The following B4GALNT2 variants were observed in gnomAD, a reference collection of about 807,000 sequenced individuals.
B4GALNT2 encodes the protein N-acetylneuraminylgalactosylglucosyl-glucoside beta-1,4-N- acetylgalactosaminyltransferase 2.
Under a neutral mutation model 51.1 loss-of-function variants are expected in B4GALNT2, and 42 were observed. That is an observed-to-expected ratio of 0.82 (90% CI 0.64 to 1.06). B4GALNT2 has a LOEUF of 1.06. B4GALNT2 is among the 50% of genes least tolerant of loss of function. B4GALNT2 has a pLI of 0.00. For missense variants in B4GALNT2, 602 were observed against 633.6 expected (o/e 0.95, Z 0.54); for synonymous variants, 253 against 251.7 (o/e 1.01, Z -0.05).
rs2042720234 is a variant in B4GALNT2, at chr17:49,148,621, C to G, written c.354-4179C>G. 15 of 528,310 alleles carry G rather than the reference C, an allele frequency of 2.8e-5. No individual in the cohort carries two copies. In the South Asian group the frequency reaches 2.9e-4, roughly 10 times the overall value. 32.7% of individuals were successfully genotyped at this position (528,310 alleles called of 1,614,324 possible). A position where few individuals can be genotyped will look rare whatever the true frequency, so the allele number is the denominator to read the frequency against. The stretch of plus-strand genomic sequence containing the variant: ...AGGTACGCGTAGAAATGTCTCCAGG[C>G]AAACCGTTCCTGCACAAAGCCTCCG... On this transcript the variant is annotated intron_variant, in intron 3 of 10. Transcript: ENST00000393354.
chr17:49,127,689 A>T (rs1170026999), upstream of B4GALNT2, among the ~76,000 whole-genome samples: 2 of 152,246 alleles, frequency 1.3e-5, no homozygotes, highest in Non-Finnish European at 2.9e-5. Context: ...AGGCCCTTTA[A>T]AAACAGGACT....
intron 7 of B4GALNT2, among the ~76,000 whole-genome samples, chr17:49,161,275 GAA>G (rs5820749): frequency 7.2e-6 from 1 of 139,384 alleles, no homozygotes; most frequent in African/African-American, 2.7e-5. Context: ...ACTCTGTCTT[GAA>G]AAAAAAAAAA....
Position 49,172,155 on chromosome 17 carries a change from C to G in B4GALNT2, c.*2427C>G, listed in dbSNP as rs529604236. On this transcript the variant is annotated 3_prime_UTR_variant, in exon 11 of 11. Coordinates refer to ENST00000393354, the MANE Select transcript of B4GALNT2 (RefSeq NM_001159387.2). ...ATCTGTGACAGCTTCTTGATCTGTCCCCAGGTAGGTGGCTGTGTTCGACAG... is the reference window on the plus strand; with the variant it reads ...ATCTGTGACAGCTTCTTGATCTGTCGCCAGGTAGGTGGCTGTGTTCGACAG... 1 of 287,892 alleles carries G rather than the reference C, an allele frequency of 3.5e-6. No homozygotes were observed. The highest frequency in any genetic ancestry group is 6.4e-6 in the Non-Finnish European group (1 of 156,246). 17.8% of individuals were successfully genotyped at this position (287,892 alleles called of 1,614,324 possible).
intron 1 of B4GALNT2, among the ~76,000 whole-genome samples, chr17:49,138,519 C>G (rs572376218): frequency 6.6e-6 from 1 of 152,140 alleles, no homozygotes; most frequent in Admixed American, 6.5e-5. Context: ...CTGTCATAAC[C>G]GAGAAAGCAG....
intron 3 of B4GALNT2, among the ~76,000 whole-genome samples, chr17:49,151,584 A>G (rs976104983): frequency 6.6e-5 from 10 of 152,050 alleles, no homozygotes; most frequent in Non-Finnish European, 1.2e-4. Flanking sequence ...CGTCTCTACT[A>G]AAAATACAAA....
intron 8 of B4GALNT2, among the ~76,000 whole-genome samples, chr17:49,164,499 C>A (rs929784864): frequency 3.0e-4 from 29 of 98,122 alleles, no homozygotes; most frequent in Admixed American, 1.1e-3. Context: ...CACCTTTCCT[C>A]ATTTTTTTTT....
chr17:49,151,470 G>A (rs567747285), intron 3 of B4GALNT2, among the ~76,000 whole-genome samples: 3 of 151,900 alleles, frequency 2.0e-5, no homozygotes, highest in South Asian at 2.1e-4. Context: ...GTTATTGGCC[G>A]GGTGTGGTGG....
chr17:49,135,425 C>T (rs1447677516), intron 1 of B4GALNT2, among the ~76,000 whole-genome samples: 1 of 151,328 alleles, frequency 6.6e-6, no homozygotes, highest in African/African-American at 2.4e-5. Context: ...TCTACAGGTG[C>T]GTGCCACCAT....
At chr17:49,161,322 A>G (rs1197826834) in intron 7 of B4GALNT2, among the ~76,000 whole-genome samples, 1 of 151,994 alleles carries the variant, frequency 6.6e-6, no homozygotes, top group Non-Finnish European at 1.5e-5. Flanking sequence ...AAGGAGGACA[A>G]ATGAACAAAT....
intron 3 of B4GALNT2, among the ~76,000 whole-genome samples, chr17:49,145,490 G>A (rs764224749): frequency 1.3e-5 from 2 of 152,244 alleles, no homozygotes; most frequent in Non-Finnish European, 1.5e-5. Context: ...GACAATTACA[G>A]TCCTCATTTC....
At chr17:49,165,747 A>G (rs1393992897) in intron 8 of B4GALNT2, among the ~76,000 whole-genome samples, 1 of 151,668 alleles carries the variant, frequency 6.6e-6, no homozygotes, top group East Asian at 1.9e-4. Flanking sequence ...CGAATATTAT[A>G]CATACCAGAT....
At chr17:49,169,270 C>A (rs1297133042) in intron 10 of B4GALNT2, among the ~76,000 whole-genome samples, 3 of 152,152 alleles carry the variant, frequency 2.0e-5, no homozygotes, top group Non-Finnish European at 4.4e-5. Context: ...CAGTTCTGTC[C>A]AGTTTGAAAG....
chr17:49,157,191 C>T (rs757862566), intron 5 of B4GALNT2, among the ~76,000 whole-genome samples: 12 of 152,130 alleles, frequency 7.9e-5, no homozygotes, highest in Non-Finnish European at 1.6e-4. Context: ...GACAGGGTCT[C>T]ACTCTGTCAC....
rs2042976786 is a variant in B4GALNT2 at position 49,174,645 on chromosome 17, C to T, written c.*4917C>T. On this transcript the variant is annotated 3_prime_UTR_variant, in exon 11 of 11. Coordinates refer to ENST00000393354, the MANE Select transcript of B4GALNT2 (RefSeq NM_001159387.2). ...GAGTTCCAAGGGGAAAATGTTGGAG[C>T]TATGTGTCCTTTTTCTAATTGTTCA... 6.6e-6 allele frequency: 1 copy of T among 152,212 alleles called. No homozygotes were observed. Among genetic ancestry groups the T allele is most frequent in the South Asian group, 2.1e-4 (1 of 4,822 alleles). The allele number at this position is 152,212 out of a possible 1,614,324, so 9.4% of individuals were successfully genotyped here.
chr17:49,149,372 G>A (rs56653630), intron 3 of B4GALNT2, among the ~76,000 whole-genome samples: 21,777 of 151,958 alleles, frequency 0.14, 2,021 homozygotes, highest in East Asian at 0.44. Context: ...AGGGCCAGGC[G>A]CGGTGGCTCA....
chr17:49,164,365 A>C, intron 8 of B4GALNT2, 90 bp downstream of exon 8: 1 of 1,221,778 alleles, frequency 8.2e-7, no homozygotes, highest in Non-Finnish European at 1.2e-6. Flanking sequence ...CGCTTCCTCA[A>C]GGGTCTTCCC....
upstream of B4GALNT2, chr17:49,132,613 G>A: frequency 1.7e-6 from 1 of 589,560 alleles, no homozygotes; most frequent in Non-Finnish European, 2.6e-6. Flanking sequence ...AAAAGTCCAG[G>A]GTAGAGATGG....
intron 1 of B4GALNT2, 155 bp downstream of exon 1, chr17:49,132,961 C>T: frequency 1.4e-6 from 2 of 1,407,212 alleles, no homozygotes; most frequent in East Asian, 3.0e-5. Context: ...CCAACCGGTT[C>T]CCCGCATAGG....
chr17:49,151,656 G>T (rs983907421), intron 3 of B4GALNT2, among the ~76,000 whole-genome samples: 6 of 150,870 alleles, frequency 4.0e-5, no homozygotes, highest in African/African-American at 1.5e-4. Context: ...TGAGGCAGGA[G>T]AATCACTTGA....
Sources: gnomAD v4.1 joint callset for allele counts (sites outside exome capture counted in the v4.1 genomes callset) on GRCh38, gnomAD v4.1.1 for gene constraint, MANE v1.5 for transcripts, NCBI Gene and HGNC (gene_info 2026-07-23, HGNC 2026-07-21) for gene names.